SIRT1: variants seen among roughly 807,000 people sequenced by gnomAD.
SIRT1 encodes sirtuin 1.
Under a neutral mutation model 67.9 loss-of-function variants are expected in SIRT1, and 24 were observed. The observed-to-expected ratio is 0.35, with a 90% CI of 0.26 to 0.50. The LOEUF (loss-of-function observed/expected upper bound fraction) is 0.50, where lower values mean the gene tolerates loss of function less well. Among genes scored for constraint, SIRT1 ranks in the 20% least tolerant of loss-of-function variants. SIRT1 has a pLI of 0.98. For synonymous variants in SIRT1, 378 were observed against 350.7 expected, an observed-to-expected ratio of 1.08 and a Z score of -0.87; for missense variants, 873 against 937.2, an observed-to-expected ratio of 0.93 and a Z score of 0.89.
intron 8 of SIRT1, 86 bp downstream of exon 8, chr10:67,913,117 T>C (rs933265230): frequency 2.1e-5 from 28 of 1,327,602 alleles, no homozygotes; most frequent in Middle Eastern, 1.9e-4. Context: ...GGTTAATCGA[T>C]AGGGTAGCTT....
In SIRT1 at chr10:67,892,335, C is replaced by A. The variant is rs558206577; in HGVS notation, c.942+781C>A. On this transcript the variant is annotated intron_variant, in intron 4 of 8. Transcript: ENST00000212015. ...CCTGTAATTTCAGCACTTTGGGAGG[C>A]CAAGGTGGGAGGATCAGTTGAGCCC... 3.9e-5 allele frequency among the ~76,000 whole-genome samples: 6 copies of A among 152,120 alleles called. No individual in the cohort carries two copies. The East Asian group carries it at 1.2e-3, about 29-fold the overall frequency.
chr10:67,899,861 GA>G (rs1169290251), intron 4 of SIRT1, among the ~76,000 whole-genome samples: 1 of 151,968 alleles, frequency 6.6e-6, no homozygotes, highest in Admixed American at 6.6e-5. Context: ...GAGGCGGGTG[GA>G]TCACTTGAGG....
chr10:67,908,692 TCA>T (rs1842855182), intron 6 of SIRT1, among the ~76,000 whole-genome samples: 1 of 152,058 alleles, frequency 6.6e-6, no homozygotes, highest in Non-Finnish European at 1.5e-5. Context: ...TCATTTGAGG[TCA>T]GAAGTGAGAC....
Position 67,903,416 on chromosome 10 carries a change from T to G in SIRT1, c.943-3374T>G, listed in dbSNP as rs1273665119. Among the ~76,000 whole-genome samples, 8 of 151,906 alleles carry G rather than the reference T, an allele frequency of 5.3e-5. No individual in the cohort carries two copies. The East Asian group carries it at 1.6e-3, about 29-fold the overall frequency. On this transcript the variant is annotated intron_variant, in intron 4 of 8. Coordinates refer to ENST00000212015, the MANE Select transcript of SIRT1 (RefSeq NM_012238.5). ...CTTTTTTTTTTTGAGATGGAGTCTTTCTTTGTCACCCAGGCTGGAGTGCAG... is the reference window on the plus strand; with the variant it reads ...CTTTTTTTTTTTGAGATGGAGTCTTGCTTTGTCACCCAGGCTGGAGTGCAG...
chr10:67,900,108 A>G (rs1842718937), intron 4 of SIRT1, among the ~76,000 whole-genome samples: 1 of 152,082 alleles, frequency 6.6e-6, no homozygotes, highest in Non-Finnish European at 1.5e-5. Flanking sequence ...TTTTAAATAA[A>G]ATTATAAAAA....
At chr10:67,902,070 C>T (rs755110928) in intron 4 of SIRT1, among the ~76,000 whole-genome samples, 21 of 152,310 alleles carry the variant, frequency 1.4e-4, no homozygotes, top group Non-Finnish European at 1.2e-4. Context: ...CTCACTGCAA[C>T]CTCCGCCTCC....
intron 2 of SIRT1, among the ~76,000 whole-genome samples, chr10:67,887,870 C>T (rs1268669639): frequency 6.6e-6 from 1 of 152,230 alleles, no homozygotes; most frequent in East Asian, 1.9e-4. Context: ...GCCACCTTGC[C>T]CCACCTCACT....
intron 3 of SIRT1, 36 bp from the exon 4 acceptor site, chr10:67,891,366 G>C: frequency 3.1e-6 from 5 of 1,602,000 alleles, no homozygotes; most frequent in Non-Finnish European, 4.3e-6. Flanking sequence ...AAAGGTAGAA[G>C]ATTTAATTTT....
intron 5 of SIRT1, 46 bp from the exon 6 acceptor site, chr10:67,908,000 C>A: frequency 6.7e-7 from 1 of 1,497,778 alleles, no homozygotes; most frequent in East Asian, 2.3e-5. Context: ...GTTCAAGAAA[C>A]AGAAATACTT....
intron 4 of SIRT1, chr10:67,906,307 C>T: frequency 2.6e-6 from 4 of 1,559,710 alleles, no homozygotes; most frequent in Non-Finnish European, 3.5e-6. Flanking sequence ...AAAACTTTAG[C>T]TTTAAACTTC....
At chr10:67,891,825 T>G (rs1284229894) in intron 4 of SIRT1, among the ~76,000 whole-genome samples, 1 of 152,238 alleles carries the variant, frequency 6.6e-6, no homozygotes, top group African/African-American at 2.4e-5. Context: ...GCCTGGGCTT[T>G]TTTAAGAGGT....
In SIRT1 at chr10:67,890,719, C is replaced by T. The variant is rs188863799; in HGVS notation, c.790-683C>T. ...CTGCACTCCAGCCTGGGCGTCAGAGCGAAACTGTCTAAAAAGAAAAAAAAC... is the reference window on the plus strand; with the variant it reads ...CTGCACTCCAGCCTGGGCGTCAGAGTGAAACTGTCTAAAAAGAAAAAAAAC... On this transcript the variant is annotated intron_variant, in intron 3 of 8. Coordinates refer to ENST00000212015, the MANE Select transcript of SIRT1 (RefSeq NM_012238.5). Among the ~76,000 whole-genome samples, 415 of 146,110 alleles carry T rather than the reference C, an allele frequency of 2.8e-3. 2 individuals carry two copies. Among genetic ancestry groups the T allele is most frequent in the Middle Eastern group, 3.9e-3 (1 of 256 alleles).
intron 4 of SIRT1, among the ~76,000 whole-genome samples, chr10:67,892,400 A>G (rs1842587718): frequency 6.6e-6 from 1 of 152,016 alleles, no homozygotes; most frequent in Non-Finnish European, 1.5e-5. Flanking sequence ...ATGAGACTCC[A>G]TCTCTACAAA....
intron 7 of SIRT1, among the ~76,000 whole-genome samples, chr10:67,911,106 TAAATG>T (rs1454250332): frequency 6.6e-6 from 1 of 152,252 alleles, no homozygotes; most frequent in African/African-American, 2.4e-5. Flanking sequence ...AATTTGCAAT[TAAATG>T]AAACATGAAA....
chr10:67,890,133 G>A (rs1316981282), intron 3 of SIRT1, among the ~76,000 whole-genome samples: 1 of 152,012 alleles, frequency 6.6e-6, no homozygotes, highest in Non-Finnish European at 1.5e-5. Context: ...TTGGCTCACT[G>A]CAACCTCTGC....
chr10:67,916,169 A>G (rs968916910), intron 8 of SIRT1, 96 bp from the exon 9 acceptor site: 30 of 1,092,752 alleles, frequency 2.7e-5, no homozygotes, highest in East Asian at 1.7e-4. Context: ...GACACTTATA[A>G]TAAAGGCAGA....
chr10:67,910,041 T>G (rs965211360), intron 7 of SIRT1, among the ~76,000 whole-genome samples: 2 of 152,004 alleles, frequency 1.3e-5, no homozygotes, highest in Non-Finnish European at 2.9e-5. Context: ...CATTGTTCAT[T>G]GAGACTGGTG....
At chr10:67,903,533 G>A (rs1364775664) in intron 4 of SIRT1, among the ~76,000 whole-genome samples, 1 of 151,868 alleles carries the variant, frequency 6.6e-6, no homozygotes, top group Non-Finnish European at 1.5e-5. Flanking sequence ...ACAGGCACCC[G>A]CCACCATGCC....
At chr10:67,898,780 G>A (rs1394286193) in intron 4 of SIRT1, among the ~76,000 whole-genome samples, 1 of 152,138 alleles carries the variant, frequency 6.6e-6, no homozygotes. Flanking sequence ...AGGCTGCAGT[G>A]AGCTGTGACC....
Sources: gnomAD v4.1 joint callset for allele counts (sites outside exome capture counted in the v4.1 genomes callset) on GRCh38, gnomAD v4.1.1 for gene constraint, MANE v1.5 for transcripts, NCBI Gene and HGNC (gene_info 2026-07-23, HGNC 2026-07-21) for gene names.